Variants in SNTG2 observed in about 807,000 individuals in gnomAD.
SNTG2 encodes gamma-2-syntrophin.
In SNTG2, 74 loss-of-function variants were observed where a neutral mutation model predicts 70.9. The ratio of observed to expected loss-of-function variants is 1.04; its 90% CI spans 0.86 to 1.27. The LOEUF (loss-of-function observed/expected upper bound fraction) is 1.27, where lower values mean the gene tolerates loss of function less well. Ranked by LOEUF, SNTG2 falls within the 50% of genes most tolerant of loss-of-function variation. The pLI is 0.00. For synonymous variants in SNTG2, 278 were observed against 273.8 expected (o/e 1.02, Z -0.15); for missense variants, 717 against 690.7 (o/e 1.04, Z -0.43).
intron 4 of SNTG2, among the ~76,000 whole-genome samples, chr2:1,123,360 C>T (rs1018505261): frequency 6.6e-6 from 1 of 152,132 alleles, no homozygotes; most frequent in African/African-American, 2.4e-5. Flanking sequence ...AAAACAGACA[C>T]CTACACCAGT....
At chr2:1,359,163 A>G (rs1372697773) in intron 16 of SNTG2, among the ~76,000 whole-genome samples, 1 of 152,330 alleles carries the variant, frequency 6.6e-6, no homozygotes, top group East Asian at 1.9e-4. Context: ...TACCAAATAC[A>G]CATTGCCTGA....
intron 1 of SNTG2, among the ~76,000 whole-genome samples, chr2:1,005,547 T>G (rs1398745161): frequency 1.3e-5 from 2 of 151,772 alleles, no homozygotes; most frequent in Non-Finnish European, 1.5e-5. Flanking sequence ...CTCACACCTG[T>G]AATCCCAGCA....
Position 1,279,351 on chromosome 2 carries a change from C to T in SNTG2, c.1284+11780C>T, listed in dbSNP as rs377512441. ...TTTATTATTCATTTCTATTACTAAT[C>T]TCTTACTGCACCTAATTCACAAGTT... On this transcript the variant is annotated intron_variant, in intron 14 of 16. Coordinates refer to ENST00000308624, the MANE Select transcript of SNTG2 (RefSeq NM_018968.4). Among the ~76,000 whole-genome samples the T allele has an allele frequency of 2.2e-4, 34 of 152,356 alleles. 1 individual carries two copies. Among genetic ancestry groups the T allele is most frequent in the African/African-American group, 7.9e-4 (33 of 41,588 alleles).
chr2:1,179,358 T>A (rs1671704625), intron 8 of SNTG2, among the ~76,000 whole-genome samples: 1 of 152,292 alleles, frequency 6.6e-6, no homozygotes, highest in Non-Finnish European at 1.5e-5. Context: ...GATAAGCAAC[T>A]TCAGCAAAGT....
At chr2:1,104,728 C>G (rs1666001633) in intron 4 of SNTG2, among the ~76,000 whole-genome samples, 1 of 152,206 alleles carries the variant, frequency 6.6e-6, no homozygotes, top group Non-Finnish European at 1.5e-5. Context: ...GTGAAATCCT[C>G]TCAGCTTACG....
chr2:1,284,422 G>C (rs1323535937), intron 14 of SNTG2, among the ~76,000 whole-genome samples: 1 of 152,178 alleles, frequency 6.6e-6, no homozygotes, highest in African/African-American at 2.4e-5. Flanking sequence ...TCTGGGATGC[G>C]AGCTCGGTGA....
chr2:1,127,187 C>T (rs549115712), intron 4 of SNTG2, among the ~76,000 whole-genome samples: 1 of 151,896 alleles, frequency 6.6e-6, no homozygotes, highest in African/African-American at 2.4e-5. Context: ...AGTGAATAGC[C>T]AGTTCTCCCA....
intron 8 of SNTG2, among the ~76,000 whole-genome samples, chr2:1,187,126 A>G (rs1002992967): frequency 1.3e-5 from 2 of 152,220 alleles, no homozygotes; most frequent in African/African-American, 4.8e-5. Flanking sequence ...ATTTGAATAC[A>G]TAATTAATGA....
At chr2:1,198,143 A>G (rs1488216318) in intron 8 of SNTG2, among the ~76,000 whole-genome samples, 1 of 152,162 alleles carries the variant, frequency 6.6e-6, no homozygotes, top group Non-Finnish European at 1.5e-5. Context: ...TGAAAACTAT[A>G]TCAAATATCT....
chr2:1,246,364 A>G (rs963837657), intron 11 of SNTG2, among the ~76,000 whole-genome samples: 4 of 152,158 alleles, frequency 2.6e-5, no homozygotes, highest in Non-Finnish European at 5.9e-5. Context: ...GTGGTTTATC[A>G]AGTAAATATC....
chr2:1,203,669 A>ATAT (rs1553355220), intron 8 of SNTG2, among the ~76,000 whole-genome samples: 42 of 94,250 alleles, frequency 4.5e-4, no homozygotes, highest in East Asian at 1.2e-3. Flanking sequence ...CAAACAAAAA[A>ATAT]AAAAATATAT....
intron 8 of SNTG2, among the ~76,000 whole-genome samples, chr2:1,207,887 A>G (rs776743435): frequency 8.5e-5 from 13 of 152,322 alleles, no homozygotes; most frequent in Non-Finnish European, 1.8e-4. Context: ...TGGATTAACC[A>G]ATGTGTAAGG....
At chr2:1,330,912 G>A (rs796069417) in intron 16 of SNTG2, among the ~76,000 whole-genome samples, 6 of 152,238 alleles carry the variant, frequency 3.9e-5, no homozygotes, top group African/African-American at 1.4e-4. Flanking sequence ...CTATCAGGTC[G>A]ATGTGTGCCG....
At chr2:1,212,629 A>G (rs1299752444) in intron 9 of SNTG2, among the ~76,000 whole-genome samples, 3 of 152,240 alleles carry the variant, frequency 2.0e-5, no homozygotes, top group African/African-American at 7.2e-5. Context: ...GGCAAATAAT[A>G]AAACGCATAA....
chr2:1,257,809 A>G (rs1462554310), intron 12 of SNTG2, among the ~76,000 whole-genome samples: 1 of 152,240 alleles, frequency 6.6e-6, no homozygotes, highest in African/African-American at 2.4e-5. Context: ...TTACAGTTGT[A>G]TTTCTGAATA....
intron 1 of SNTG2, among the ~76,000 whole-genome samples, chr2:995,926 C>T (rs1294588252): frequency 2.6e-5 from 4 of 151,882 alleles, no homozygotes; most frequent in African/African-American, 7.3e-5. Flanking sequence ...AAATTTTGCT[C>T]GAAAAAGACA....
chr2:1,352,975 G>C (rs2148308686), intron 16 of SNTG2, among the ~76,000 whole-genome samples: 1 of 152,262 alleles, frequency 6.6e-6, no homozygotes, highest in Non-Finnish European at 1.5e-5. Flanking sequence ...CAGCAGTTCA[G>C]GGGGCTCAGT....
chr2:973,734 A>C (rs536854059), intron 1 of SNTG2, among the ~76,000 whole-genome samples: 2 of 151,234 alleles, frequency 1.3e-5, no homozygotes, highest in South Asian at 4.2e-4. Flanking sequence ...GTTGTGTTTC[A>C]GTTTTTATAC....
At chr2:1,177,657 C>A (rs1671573225) in intron 8 of SNTG2, among the ~76,000 whole-genome samples, 1 of 151,746 alleles carries the variant, frequency 6.6e-6, no homozygotes, top group African/African-American at 2.4e-5. Flanking sequence ...TAATACCCAG[C>A]AAACGTGCTT....
Sources: gnomAD v4.1 joint callset for allele counts (sites outside exome capture counted in the v4.1 genomes callset) on GRCh38, gnomAD v4.1.1 for gene constraint, MANE v1.5 for transcripts, NCBI Gene and HGNC (gene_info 2026-07-23, HGNC 2026-07-21) for gene names.